Variants in MAGI1 observed in about 807,000 individuals in gnomAD.
The protein encoded by MAGI1 is membrane associated guanylate kinase, WW and PDZ domain containing 1.
In MAGI1, 58 loss-of-function variants were observed where a neutral mutation model predicts 139.9. The ratio of observed to expected loss-of-function variants is 0.41; its 90% CI spans 0.34 to 0.52. MAGI1 has a LOEUF of 0.52. Ranked by LOEUF, MAGI1 falls within the 20% of genes least tolerant of loss-of-function variation. MAGI1 has a pLI of 0.12. For synonymous variants in MAGI1, 812 were observed against 737.9 expected (o/e 1.10, Z -1.63); for missense variants, 1,874 against 1,901.6 (o/e 0.99, Z 0.27).
intron 1 of MAGI1, among the ~76,000 whole-genome samples, chr3:65,703,517 T>G (rs1278181635): frequency 6.6e-6 from 1 of 152,248 alleles, no homozygotes; most frequent in Non-Finnish European, 1.5e-5. Context: ...TCTCTGCTGA[T>G]GGATCTTCCA....
chr3:65,755,107 C>T (rs2036459562), intron 1 of MAGI1, among the ~76,000 whole-genome samples: 1 of 151,800 alleles, frequency 6.6e-6, no homozygotes, highest in Admixed American at 6.6e-5. Flanking sequence ...GCCACGAGGC[C>T]CAGCTAATTT....
At chr3:65,681,822 C>T (rs1158792404) in intron 1 of MAGI1, among the ~76,000 whole-genome samples, 1 of 152,178 alleles carries the variant, frequency 6.6e-6, no homozygotes, top group Non-Finnish European at 1.5e-5. Context: ...AACAAGTTCA[C>T]AGCAAGATGT....
At chr3:65,925,500 C>G (rs1450334145) in intron 1 of MAGI1, among the ~76,000 whole-genome samples, 1 of 152,162 alleles carries the variant, frequency 6.6e-6, no homozygotes, top group Non-Finnish European at 1.5e-5. Flanking sequence ...AAGAGAAAAA[C>G]AACAGGAACT....
chr3:65,448,029 A>G lies in MAGI1; in HGVS notation c.1071T>C (p.Ser357=). The part of the protein sequence containing the change: ...DEGVHTEELD[S]ELELPAGWEK... ...CAGGCAGGGAGGGTTTACCTAGTTC[A>G]CTGTCCAGCTCCTCGGTGTGTACCC... is the stretch of plus-strand genomic sequence containing the variant. The change falls in exon 7 of 23, where the codon AGT becomes AGC. Residue 357 remains serine, a synonymous_variant. Transcript: ENST00000402939. 6.2e-7 allele frequency: 1 copy of G among 1,614,096 alleles called. No homozygotes were observed. Among genetic ancestry groups the G allele is most frequent in the Non-Finnish European group, 8.5e-7 (1 of 1,179,978 alleles).
chr3:65,938,396 C>A (rs1161733003), intron 1 of MAGI1, among the ~76,000 whole-genome samples: 1 of 149,834 alleles, frequency 6.7e-6, no homozygotes, highest in East Asian at 1.9e-4. Flanking sequence ...AAATAAAGGT[C>A]TTTAAGGACC....
At chr3:65,812,482 A>ACACACACACACACG (rs768268009) in intron 1 of MAGI1, among the ~76,000 whole-genome samples, 3 of 150,400 alleles carry the variant, frequency 2.0e-5, no homozygotes, top group Non-Finnish European at 3.0e-5. Flanking sequence ...ACACACACAC[A>ACACACACACACACG]CACACACACT....
intron 18 of MAGI1, among the ~76,000 whole-genome samples, chr3:65,368,734 C>G (rs1017108908): frequency 5.3e-5 from 8 of 152,216 alleles, no homozygotes; most frequent in African/African-American, 1.9e-4. Context: ...TTTTACTATT[C>G]TAATGCCTTT....
intron 2 of MAGI1, among the ~76,000 whole-genome samples, chr3:65,567,371 T>C (rs754575038): frequency 4.0e-5 from 6 of 149,822 alleles, no homozygotes; most frequent in Non-Finnish European, 7.4e-5. Flanking sequence ...CCACTGACCA[T>C]GAAAAAAAAA....
intron 1 of MAGI1, among the ~76,000 whole-genome samples, chr3:66,034,886 T>C (rs891396568): frequency 1.3e-5 from 2 of 152,080 alleles, no homozygotes; most frequent in African/African-American, 4.8e-5. Flanking sequence ...CTATGGTAGA[T>C]CTATGGTGCA....
chr3:65,722,758 G>A (rs1469851481), intron 1 of MAGI1, among the ~76,000 whole-genome samples: 2 of 149,982 alleles, frequency 1.3e-5, no homozygotes, highest in East Asian at 3.9e-4. Context: ...AAGAAATTAT[G>A]AACAACGTTA....
At chr3:65,904,388 G>T (rs372787889) in intron 1 of MAGI1, among the ~76,000 whole-genome samples, 49 of 152,130 alleles carry the variant, frequency 3.2e-4, no homozygotes, top group African/African-American at 1.1e-3. Flanking sequence ...ATATCAAACT[G>T]GGTGACAGGA....
intron 1 of MAGI1, among the ~76,000 whole-genome samples, chr3:65,853,156 G>T (rs998022392): frequency 6.6e-6 from 1 of 151,448 alleles, no homozygotes; most frequent in African/African-American, 2.4e-5. Context: ...GACAGAGCGA[G>T]ACTCCGTCTC....
At chr3:65,817,152 T>C (rs1391531860) in intron 1 of MAGI1, among the ~76,000 whole-genome samples, 34 of 152,204 alleles carry the variant, frequency 2.2e-4, no homozygotes, top group Admixed American at 2.2e-3. Context: ...TTCCTTAATT[T>C]GAACTACATG....
At chr3:65,756,363 G>C (rs2036566348) in intron 1 of MAGI1, among the ~76,000 whole-genome samples, 1 of 152,186 alleles carries the variant, frequency 6.6e-6, no homozygotes, top group South Asian at 2.1e-4. Flanking sequence ...GGGATCTAAA[G>C]AAAAGAGAAG....
chr3:65,548,652 A>G (rs4575823), intron 2 of MAGI1, among the ~76,000 whole-genome samples: 1 of 150,828 alleles, frequency 6.6e-6, no homozygotes, highest in Admixed American at 6.6e-5. Flanking sequence ...CCTCCCTAGC[A>G]GCTGGGACGG....
At chr3:65,882,549 C>A (rs1575831495) in intron 1 of MAGI1, among the ~76,000 whole-genome samples, 1 of 151,738 alleles carries the variant, frequency 6.6e-6, no homozygotes, top group African/African-American at 2.4e-5. Context: ...GGGAGACATT[C>A]CTCAACTGGG....
rs1024910323 is a variant in MAGI1 at position 66,001,052 on chromosome 3, C to A, written c.313+36944G>T. On this transcript the variant is annotated intron_variant, in intron 1 of 22. Transcript: ENST00000402939. ...AGATGAAATTATTCTCTTCAAGGGA[C>A]CTGCTATCAAATAGGGGAGACAGAA... Among the ~76,000 whole-genome samples the A allele has an allele frequency of 2.6e-5, 4 of 152,118 alleles. No homozygotes were observed. The East Asian group carries it at 5.8e-4, about 22-fold the overall frequency.
intron 1 of MAGI1, among the ~76,000 whole-genome samples, chr3:65,673,377 C>T (rs1248382808): frequency 6.6e-6 from 1 of 152,142 alleles, no homozygotes; most frequent in African/African-American, 2.4e-5. Context: ...TAACCTGTGT[C>T]TGTTTTTTTA....
chr3:65,745,760 C>T (rs1366975850), intron 1 of MAGI1, among the ~76,000 whole-genome samples: 3 of 152,288 alleles, frequency 2.0e-5, no homozygotes, highest in African/African-American at 7.2e-5. Flanking sequence ...GGTAGAGTCT[C>T]GCTCTGTGGC....
Sources: gnomAD v4.1 joint callset for allele counts (sites outside exome capture counted in the v4.1 genomes callset) on GRCh38, gnomAD v4.1.1 for gene constraint, MANE v1.5 for transcripts, NCBI Gene and HGNC (gene_info 2026-07-23, HGNC 2026-07-21) for gene names.